VWDE: variants seen among roughly 807,000 people sequenced by gnomAD.
The protein encoded by VWDE is von Willebrand factor D and EGF domains.
Under a neutral mutation model 178.4 loss-of-function variants are expected in VWDE, and 207 were observed. That is an observed-to-expected ratio of 1.16 (90% CI 1.04 to 1.30). The LOEUF (loss-of-function observed/expected upper bound fraction) is 1.30, where lower values mean the gene tolerates loss of function less well. Among genes scored for constraint, VWDE ranks in the 50% most tolerant of loss-of-function variants. VWDE has a pLI of 0.00. For missense variants in VWDE, 2,287 were observed against 1,901.3 expected (o/e 1.20, Z -3.77); for synonymous variants, 738 against 651.4 (o/e 1.13, Z -2.02).
chr7:12,356,467 C>T (rs934858259), intron 17 of VWDE, 137 bp from the exon 18 acceptor site: 164 of 653,534 alleles, frequency 2.5e-4, no homozygotes, highest in Non-Finnish European at 3.6e-4. Context: ...TATACACACA[C>T]ACACAAATGT....
chr7:12,380,542 C>CTGTG lies in VWDE; in HGVS notation c.729_732dup (p.Val245HisfsTer11). 8 of 1,552,064 alleles carry CTGTG rather than the reference C, an allele frequency of 5.2e-6. No individual in the cohort carries two copies. Among genetic ancestry groups the CTGTG allele is most frequent in the Non-Finnish European group, 7.0e-6 (8 of 1,147,070 alleles). ...AGTTCTAAAAGAGAGAATGCCTGAA[C>CTGTG]TGTGGTCTCTTGTGTCAGCTCCTCT... On this transcript the variant is annotated frameshift_variant, in exon 5 of 29. Coordinates refer to ENST00000275358, the MANE Select transcript of VWDE (RefSeq NM_001135924.3). LOFTEE classifies it high-confidence loss of function.
chr7:12,387,083 G>C (rs1467382054), intron 3 of VWDE, among the ~76,000 whole-genome samples: 1 of 152,076 alleles, frequency 6.6e-6, no homozygotes, highest in Non-Finnish European at 1.5e-5. Context: ...CTGCCTTGCA[G>C]TTAATGATAA....
Position 12,393,733 on chromosome 7 carries a change from T to A in VWDE, c.104A>T (p.Tyr35Phe), listed in dbSNP as rs1487663729. 2.6e-6 allele frequency: 4 copies of A among 1,551,060 alleles called. No homozygotes were observed. In the Admixed American group the frequency reaches 7.8e-5, roughly 30 times the overall value. ...PGGHQFLRSP[Y>F]RSVRFDSWHL... Reference sequence around the variant, plus strand: ...CCATGAGTCAAAACGGACACTTCTATAAGGACTCCGAAGAAACTGGTGTCC... The same window carrying A: ...CCATGAGTCAAAACGGACACTTCTAAAAGGACTCCGAAGAAACTGGTGTCC... The change falls in exon 2 of 29, where the codon TAT (tyrosine) becomes TTT (phenylalanine). Residue 35 changes from tyrosine (Y) to phenylalanine (F), a missense_variant. Physicochemically the swap from Tyr to Phe is conservative, Grantham distance 22. Transcript: ENST00000275358.
At chr7:12,377,719 A>G in intron 7 of VWDE, 57 bp downstream of exon 7, 1 of 1,178,120 alleles carries the variant, frequency 8.5e-7, no homozygotes, top group Non-Finnish European at 1.1e-6. Context: ...CCTACAGGAA[A>G]AAAAAGCATT....
rs923233268 is a variant in VWDE, at chr7:12,333,405, T to C, written c.4758+60A>G. On this transcript the variant is annotated intron_variant, in intron 28 of 28. Coordinates refer to ENST00000275358, the MANE Select transcript of VWDE (RefSeq NM_001135924.3). ...ACATTAATTAGTAACAATTACTAAG[T>C]AGAAGAGATATGCAAATGTCAATGT... 15 of 1,027,202 alleles carry C rather than the reference T, an allele frequency of 1.5e-5. No individual in the cohort carries two copies. The South Asian group carries it at 2.4e-4, about 16-fold the overall frequency. The allele number at this position is 1,027,202 out of a possible 1,614,324, so 63.6% of individuals were successfully genotyped here.
rs1387715897 is a variant in VWDE, at chr7:12,369,949, T to A, written c.2357A>T (p.Asp786Val). ...AGAGGGGAAAAACTCTTGCTGTACA[T>A]CCTCAGCATGGTCCTCTGGGAAAAA... Reference protein sequence around the residue: ...TYFFPEDHAEDVQQEFFPSWP... With the variant: ...TYFFPEDHAEVVQQEFFPSWP... The change falls in exon 12 of 29, where the codon GAT (aspartate) becomes GTT (valine). Residue 786 changes from aspartate (D) to valine (V), a missense_variant. Transcript: ENST00000275358. 1.3e-6 allele frequency: 2 copies of A among 1,551,430 alleles called. No individual in the cohort carries two copies. Among genetic ancestry groups the A allele is most frequent in the South Asian group, 1.2e-5 (1 of 84,046 alleles).
chr7:12,380,553 T>A lies in VWDE; in HGVS notation c.722A>T (p.Gln241Leu), dbSNP rs1783791634. The A allele has an allele frequency of 7.1e-6, 11 of 1,552,156 alleles. No individual in the cohort carries two copies. Among genetic ancestry groups the A allele is most frequent in the Non-Finnish European group, 9.6e-6 (11 of 1,147,098 alleles). ...SSQEVKEELT[Q>L]ETTVQAFSLL... ...AGAGAATGCCTGAACTGTGGTCTCT[T>A]GTGTCAGCTCCTCTTTGACTTCTTG... Residue 241 changes from glutamine to leucine, a missense_variant, in exon 5 of 29, where the codon CAA (glutamine) becomes CTA (leucine). By Grantham distance (113) the Gln-to-Leu change is moderately radical. Coordinates refer to ENST00000275358, the MANE Select transcript of VWDE (RefSeq NM_001135924.3).
At chr7:12,374,437 C>A (rs1018597009) in intron 9 of VWDE, among the ~76,000 whole-genome samples, 1 of 151,904 alleles carries the variant, frequency 6.6e-6, no homozygotes, top group Non-Finnish European at 1.5e-5. Flanking sequence ...AAAAAAGATT[C>A]TCTGCATTTG....
At chr7:12,379,621 G>T in intron 5 of VWDE, 55 bp from the exon 6 acceptor site, 1 of 1,279,234 alleles carries the variant, frequency 7.8e-7, no homozygotes, top group Non-Finnish European at 1.1e-6. Flanking sequence ...GAGAAAACGT[G>T]TAAATTATCA....
intron 1 of VWDE, among the ~76,000 whole-genome samples, chr7:12,394,982 CATTATA>C: frequency 6.6e-6 from 1 of 152,156 alleles, no homozygotes; most frequent in Non-Finnish European, 1.5e-5. Context: ...AAAAATAAGT[CATTATA>C]ATTAGAATTA....
At chr7:12,335,937 A>G (rs185514837) in intron 27 of VWDE, among the ~76,000 whole-genome samples, 1 of 152,190 alleles carries the variant, frequency 6.6e-6, no homozygotes, top group African/African-American at 2.4e-5. Flanking sequence ...CACACAAACT[A>G]TTAATATATT....
At chr7:12,385,892 C>T (rs1206370232) in intron 3 of VWDE, among the ~76,000 whole-genome samples, 1 of 152,098 alleles carries the variant, frequency 6.6e-6, no homozygotes, top group East Asian at 1.9e-4. Context: ...TTTGAGTGTT[C>T]TGGGTTAGGA....
intron 13 of VWDE, among the ~76,000 whole-genome samples, chr7:12,365,410 C>G (rs534710644): frequency 6.6e-6 from 1 of 152,064 alleles, no homozygotes; most frequent in South Asian, 2.1e-4. Context: ...TCAAGTTATT[C>G]CAAAATAAAA....
rs1783467054 is a variant in VWDE at position 12,375,346 on chromosome 7, T to C, written c.1025-119A>G. 3.2e-6 allele frequency: 3 copies of C among 931,418 alleles called. No individual in the cohort carries two copies. The Admixed American group carries it at 8.4e-5, about 26-fold the overall frequency. 57.7% of individuals were successfully genotyped at this position (931,418 alleles called of 1,614,324 possible). A position where few individuals can be genotyped will look rare whatever the true frequency, so the allele number is the denominator to read the frequency against. ...GATTATTCTCAAATTATTTTCTCTT[T>C]CTTAAAACATATGGTTGCAAATTTT... On this transcript the variant is annotated intron_variant, in intron 7 of 28. Transcript: ENST00000275358.
rs1366668761 is a variant in VWDE at position 12,389,057 on chromosome 7, T to C, written c.475+70A>G. On this transcript the variant is annotated intron_variant, in intron 3 of 28. Transcript: ENST00000275358. The stretch of plus-strand genomic sequence containing the variant: ...AGATTTGCACTAACTCAATACAACC[T>C]ATCCAGAGAATGGTACGAATGGCAG... The C allele has an allele frequency of 2.1e-5, 22 of 1,066,482 alleles. No homozygotes were observed. In the East Asian group the frequency reaches 5.2e-4, roughly 25 times the overall value. 66.1% of individuals were successfully genotyped at this position (1,066,482 alleles called of 1,614,324 possible).
chr7:12,396,902 T>A (rs1296787600), intron 1 of VWDE, among the ~76,000 whole-genome samples: 1 of 151,968 alleles, frequency 6.6e-6, no homozygotes, highest in Non-Finnish European at 1.5e-5. Flanking sequence ...GCCATTACAC[T>A]CCAGCCTGGG....
At chr7:12,394,349 G>A (rs1784531016) in intron 1 of VWDE, among the ~76,000 whole-genome samples, 1 of 152,138 alleles carries the variant, frequency 6.6e-6, no homozygotes, top group Non-Finnish European at 1.5e-5. Flanking sequence ...CAAAGTTTTG[G>A]AAGTATGCCT....
chr7:12,382,296 A>G (rs928299674), intron 4 of VWDE, among the ~76,000 whole-genome samples: 7 of 151,842 alleles, frequency 4.6e-5, no homozygotes, highest in Non-Finnish European at 1.0e-4. Flanking sequence ...AGTATAGAGA[A>G]TTTATATCTA....
intron 22 of VWDE, among the ~76,000 whole-genome samples, chr7:12,342,745 A>G (rs112318345): frequency 1.4e-3 from 217 of 151,762 alleles, no homozygotes; most frequent in African/African-American, 5.0e-3. Flanking sequence ...GGTTAGTTAC[A>G]TATGTATACA....
Sources: allele counts gnomAD v4.1 joint callset (sites outside exome capture counted in the v4.1 genomes callset), GRCh38; gene constraint gnomAD v4.1.1; transcripts MANE v1.5; gene names NCBI Gene and HGNC (gene_info 2026-07-23, HGNC 2026-07-21).